Variants in ZNF385D observed in about 807,000 individuals in gnomAD.
The protein encoded by ZNF385D is zinc finger protein 659.
ZNF385D carries 15 observed loss-of-function variants against 35.8 expected under a neutral mutation model. The observed-to-expected ratio is 0.42, with a 90% CI of 0.28 to 0.64. ZNF385D has a LOEUF of 0.64. ZNF385D is among the 30% of genes least tolerant of loss of function. The probability of loss-of-function intolerance (pLI) is 0.23; values close to 1 mark genes in which losing one functional copy is unlikely to be tolerated. For synonymous variants in ZNF385D, 212 were observed against 186.8 expected (o/e 1.13, Z -1.10); for missense variants, 474 against 494.6 (o/e 0.96, Z 0.39).
Position 21,510,967 on chromosome 3 carries a change from C to T in ZNF385D, c.333G>A (p.Leu111=). 1.2e-6 allele frequency: 2 copies of T among 1,614,088 alleles called. No homozygotes were observed. The highest frequency in any genetic ancestry group is 1.7e-6 in the Non-Finnish European group (2 of 1,180,002). Residue 111 remains leucine, a synonymous_variant, in exon 4 of 8, where the codon CTG becomes CTA. Transcript: ENST00000281523. ...GTKHAKKLKA[L]EAMKNKQKSV... ...ATTTCTGCTTATTTTTCATGGCTTC[C>T]AGTGCTTTGAGCTTCTTGGCATGTT... is the stretch of plus-strand genomic sequence containing the variant.
rs528474069 is a variant in ZNF385D at position 22,209,180 on chromosome 3, GGA to G, written c.107-40147_107-40146del. On this transcript the variant is annotated intron_variant, in intron 2 of 5. Coordinates refer to the ZNF385D transcript ENST00000494108. ...AACATTGTGATATATACATATCTCT[GGA>G]GAGTTACAAAAAGAGAGCAGATATG... 4.0e-5 allele frequency among the ~76,000 whole-genome samples: 6 copies of G among 151,876 alleles called. No individual in the cohort carries two copies. The South Asian group carries it at 8.3e-4, about 21-fold the overall frequency.
At chr3:21,983,007 G>A (rs1286589287) in intron 3 of ZNF385D, among the ~76,000 whole-genome samples, 3 of 151,946 alleles carry the variant, frequency 2.0e-5, no homozygotes, top group Admixed American at 6.6e-5. Context: ...TTTTGCTGAA[G>A]ATTTTTACAT....
intron 1 of ZNF385D, among the ~76,000 whole-genome samples, chr3:21,714,483 C>T (rs755453460): frequency 6.6e-6 from 1 of 152,164 alleles, no homozygotes; most frequent in Non-Finnish European, 1.5e-5. Flanking sequence ...CCTACCTACT[C>T]TACCACTCCC....
chr3:21,887,179 G>A (rs1018569543), intron 3 of ZNF385D, among the ~76,000 whole-genome samples: 6 of 152,200 alleles, frequency 3.9e-5, no homozygotes, highest in East Asian at 1.9e-4. Flanking sequence ...ATGGATTTCC[G>A]TAGTTTGTGA....
intron 3 of ZNF385D, among the ~76,000 whole-genome samples, chr3:21,888,247 G>A (rs1427769719): frequency 2.0e-5 from 3 of 152,094 alleles, no homozygotes; most frequent in Non-Finnish European, 4.4e-5. Context: ...ATAAAAGTAA[G>A]CTAGTATGGA....
At chr3:22,258,337 G>A (rs1274479772) in intron 2 of ZNF385D, among the ~76,000 whole-genome samples, 11 of 151,712 alleles carry the variant, frequency 7.3e-5, no homozygotes, top group Admixed American at 2.6e-4. Flanking sequence ...AGCAGAATAA[G>A]TGAAGAAAAA....
At chr3:22,197,138 G>A (rs888497634) in intron 2 of ZNF385D, among the ~76,000 whole-genome samples, 2 of 151,856 alleles carry the variant, frequency 1.3e-5, no homozygotes, top group African/African-American at 4.8e-5. Flanking sequence ...CCCTTTTAAA[G>A]GTGGAATTTT....
At chr3:21,716,076 C>T (rs1032347901) in intron 1 of ZNF385D, among the ~76,000 whole-genome samples, 8 of 152,122 alleles carry the variant, frequency 5.3e-5, no homozygotes, top group African/African-American at 1.9e-4. Flanking sequence ...ATACCCCACA[C>T]CCAACCCCTC....
intron 3 of ZNF385D, among the ~76,000 whole-genome samples, chr3:21,951,762 T>C (rs1302261938): frequency 6.6e-6 from 1 of 151,668 alleles, no homozygotes. Flanking sequence ...TTTAAATTTG[T>C]TCTATATATA....
chr3:21,423,513 A>C (rs1033153508), intron 7 of ZNF385D, among the ~76,000 whole-genome samples: 1 of 152,160 alleles, frequency 6.6e-6, no homozygotes, highest in Non-Finnish European at 1.5e-5. Context: ...GTCCTACCAA[A>C]ATATCCAGGT....
chr3:21,695,257 GT>G (rs2067430652), intron 1 of ZNF385D, among the ~76,000 whole-genome samples: 1 of 152,200 alleles, frequency 6.6e-6, no homozygotes, highest in African/African-American at 2.4e-5. Flanking sequence ...CTCTTTTAAA[GT>G]AGCTTTCGGA....
intron 3 of ZNF385D, among the ~76,000 whole-genome samples, chr3:21,992,651 A>G (rs1695218122): frequency 6.6e-6 from 1 of 152,160 alleles, no homozygotes; most frequent in Non-Finnish European, 1.5e-5. Context: ...TCGCATTATT[A>G]TACTATATTG....
chr3:22,172,444 T>C (rs1339608557), intron 2 of ZNF385D, among the ~76,000 whole-genome samples: 1 of 152,210 alleles, frequency 6.6e-6, no homozygotes, highest in Non-Finnish European at 1.5e-5. Flanking sequence ...AACAATATTT[T>C]TCTGGGATGC....
At chr3:21,931,377 T>C (rs1361399735) in intron 3 of ZNF385D, among the ~76,000 whole-genome samples, 1 of 152,142 alleles carries the variant, frequency 6.6e-6, no homozygotes, top group Non-Finnish European at 1.5e-5. Flanking sequence ...CCTCAGAAAA[T>C]AATTTGGCAA....
intron 3 of ZNF385D, among the ~76,000 whole-genome samples, chr3:21,809,232 G>T (rs1355087281): frequency 6.6e-6 from 1 of 151,918 alleles, no homozygotes; most frequent in Non-Finnish European, 1.5e-5. Context: ...TTGAAAAAAT[G>T]GAAAAATGGA....
In ZNF385D at chr3:21,516,597, A is replaced by G. The variant is rs144195838; in HGVS notation, c.277-5574T>C. 4.9e-3 allele frequency among the ~76,000 whole-genome samples: 743 copies of G among 152,308 alleles called. 5 individuals are homozygous for G. The highest frequency in any genetic ancestry group is 6.2e-3 in the South Asian group (30 of 4,822). Reference sequence around the variant, plus strand: ...TAGTACTCCTCCTGGCCACCTCCCCATAACTGGGCCTTTCTTTATATACTT... The same window carrying G: ...TAGTACTCCTCCTGGCCACCTCCCCGTAACTGGGCCTTTCTTTATATACTT... On this transcript the variant is annotated intron_variant, in intron 3 of 7. Transcript: ENST00000281523.
At chr3:21,913,374 T>C (rs1345027456) in intron 3 of ZNF385D, among the ~76,000 whole-genome samples, 1 of 152,066 alleles carries the variant, frequency 6.6e-6, no homozygotes, top group Non-Finnish European at 1.5e-5. Flanking sequence ...CAGAAAAAAT[T>C]GGCACATTCC....
At chr3:22,112,100 G>A (rs981288868) in intron 3 of ZNF385D, among the ~76,000 whole-genome samples, 2 of 152,140 alleles carry the variant, frequency 1.3e-5, no homozygotes, top group Non-Finnish European at 2.9e-5. Flanking sequence ...AGCTGCTGCA[G>A]CAAAAGCAAA....
intron 4 of ZNF385D, among the ~76,000 whole-genome samples, chr3:21,506,548 A>G (rs1187198613): frequency 2.6e-5 from 4 of 152,202 alleles, no homozygotes; most frequent in African/African-American, 9.6e-5. Context: ...AACAAACAAC[A>G]CAAGTTAGTT....
Sources: gnomAD v4.1 joint callset for allele counts (sites outside exome capture counted in the v4.1 genomes callset) on GRCh38, gnomAD v4.1.1 for gene constraint, MANE v1.5 for transcripts, NCBI Gene and HGNC (gene_info 2026-07-23, HGNC 2026-07-21) for gene names.